ABCB11: variants seen among roughly 807,000 people sequenced by gnomAD.
ABCB11 encodes the protein ATP binding cassette subfamily B member 11, also known as bile salt export pump.
ABCB11 carries 95 observed loss-of-function variants against 148.0 expected under a neutral mutation model. That is an observed-to-expected ratio of 0.64 (90% CI 0.54 to 0.76). The LOEUF (loss-of-function observed/expected upper bound fraction) is 0.76, where lower values mean the gene tolerates loss of function less well. Ranked by LOEUF, ABCB11 falls within the 30% of genes least tolerant of loss-of-function variation. ABCB11 has a pLI of 0.00. For synonymous variants in ABCB11, 591 were observed against 555.4 expected, an observed-to-expected ratio of 1.06 and a Z score of -0.90; for missense variants, 1,523 against 1,617.8, an observed-to-expected ratio of 0.94 and a Z score of 1.01.
chr2:168,991,632 A>G (rs946781634), intron 8 of ABCB11, among the ~76,000 whole-genome samples: 8 of 152,074 alleles, frequency 5.3e-5, no homozygotes, highest in African/African-American at 9.7e-5. Flanking sequence ...AAAAATATAT[A>G]TAATACCCAG....
At chr2:168,925,801 G>A (rs1050898043) in intron 26 of ABCB11, among the ~76,000 whole-genome samples, 17 of 151,806 alleles carry the variant, frequency 1.1e-4, no homozygotes, top group African/African-American at 4.1e-4. Flanking sequence ...AGGGTGCCAC[G>A]GGCAAGTCTG....
chr2:168,974,432 C>G (rs1057376611), intron 12 of ABCB11, among the ~76,000 whole-genome samples: 4 of 151,890 alleles, frequency 2.6e-5, no homozygotes, highest in Non-Finnish European at 5.9e-5. Flanking sequence ...AACTATCTGT[C>G]AATATTTTCA....
At chr2:168,930,567 T>TTAAAGTGAGTC in intron 25 of ABCB11, 98 bp downstream of exon 25, 2 of 1,048,418 alleles carry the variant, frequency 1.9e-6, no homozygotes, top group Non-Finnish European at 2.6e-6. Context: ...GGCAAGCATT[T>TTAAAGTGAGTC]TAAAGTGAGT....
At chr2:169,010,604 C>CT (rs34998320) in intron 5 of ABCB11, among the ~76,000 whole-genome samples, 1 of 152,100 alleles carries the variant, frequency 6.6e-6, no homozygotes, top group Non-Finnish European at 1.5e-5. Context: ...TAATGATATA[C>CT]TTTTTCCACG....
At chr2:168,984,090 G>C (rs946556672) in intron 10 of ABCB11, among the ~76,000 whole-genome samples, 2 of 152,064 alleles carry the variant, frequency 1.3e-5, no homozygotes, top group African/African-American at 4.8e-5. Flanking sequence ...ATTTAGCTGA[G>C]AATTCAAACA....
In ABCB11 at chr2:168,924,768, T is replaced by G; in HGVS notation, c.3654A>C (p.Gln1218His). ...YETNVGSQGS[Q>H]LSRGEKQRIA... is the part of the protein sequence containing the mutation. ...TGCGTTGTTTCTCCCCTCTAGAGAGTTGAGACCCCTGGGACCCAACGTTAG... is the reference window on the plus strand; with the variant it reads ...TGCGTTGTTTCTCCCCTCTAGAGAGGTGAGACCCCTGGGACCCAACGTTAG... The change falls in exon 27 of 28, where the codon CAA (glutamine) becomes CAC (histidine). Residue 1218 changes from glutamine (Q) to histidine (H), a missense_variant. Coordinates refer to ENST00000650372, the MANE Select transcript of ABCB11 (RefSeq NM_003742.4). 6.2e-7 allele frequency: 1 copy of G among 1,613,216 alleles called. No individual in the cohort carries two copies. Among genetic ancestry groups the G allele is most frequent in the Non-Finnish European group, 8.5e-7 (1 of 1,179,598 alleles).
At chr2:168,937,903 C>T (rs1691899798) in intron 21 of ABCB11, among the ~76,000 whole-genome samples, 1 of 152,122 alleles carries the variant, frequency 6.6e-6, no homozygotes, top group South Asian at 2.1e-4. Flanking sequence ...ATCAGAGTAT[C>T]CAATGGTTCC....
chr2:168,993,889 A>C lies in ABCB11; in HGVS notation c.612-7T>G. On this transcript the variant is annotated splice_polypyrimidine_tract_variant and splice_region_variant and intron_variant, in intron 7 of 27. Coordinates refer to ENST00000650372, the MANE Select transcript of ABCB11 (RefSeq NM_003742.4). ...ATTGATTTTATTAATATCACTAGAAACCAGAAAGATTTTGGTCACTAAAAC... is the reference window on the plus strand; with the variant it reads ...ATTGATTTTATTAATATCACTAGAACCCAGAAAGATTTTGGTCACTAAAAC... The C allele has an allele frequency of 6.3e-7, 1 of 1,599,838 alleles. No individual in the cohort carries two copies. The highest frequency in any genetic ancestry group is 8.5e-7 in the Non-Finnish European group (1 of 1,174,190).
In ABCB11 at chr2:168,944,879, G is replaced by A. The variant is rs748335505; in HGVS notation, c.2426C>T (p.Ser809Phe). The change falls in exon 20 of 28, where the codon TCT (serine) becomes TTT (phenylalanine). Residue 809 changes from serine (S) to phenylalanine (F), a missense_variant. Coordinates refer to ENST00000650372, the MANE Select transcript of ABCB11 (RefSeq NM_003742.4). ...TACCTGTAGAAATTGGGTGAAAAGAGATACACAGCCCATTGCTACAAAAAG... is the reference window on the plus strand; with the variant it reads ...TACCTGTAGAAATTGGGTGAAAAGAAATACACAGCCCATTGCTACAAAAAG... Reference protein sequence around the residue: ...CLLFVAMGCVSLFTQFLQGYA... With the variant: ...CLLFVAMGCVFLFTQFLQGYA... 16 of 1,585,066 alleles carry A rather than the reference G, an allele frequency of 1.0e-5. 1 individual carries two copies. Among genetic ancestry groups the A allele is most frequent in the South Asian group, 9.2e-5 (8 of 87,368 alleles).
At position 168,923,669 on chromosome 2, in the gene ABCB11, T is replaced by G. The variant is rs745821514; in HGVS notation, c.3919A>C (p.Lys1307Gln). The G allele has an allele frequency of 6.2e-7, 1 of 1,613,838 alleles. No homozygotes were observed. Among genetic ancestry groups the G allele is most frequent in the Non-Finnish European group, 8.5e-7 (1 of 1,179,866 alleles). Residue 1307 changes from lysine to glutamine, a missense_variant, in exon 28 of 28, where the codon AAA becomes CAA. Coordinates refer to ENST00000650372, the MANE Select transcript of ABCB11 (RefSeq NM_003742.4). ...KGTHEELMAQKGAYYKLVTTG... is the reference protein window; with the variant it reads ...KGTHEELMAQQGAYYKLVTTG... ...GTGACTAGTTTGTAGTAGGCTCCTT[T>G]TTGGGCCATCAGTTCTTCATGGGTC...
At chr2:168,955,759 T>C (rs918650551) in intron 19 of ABCB11, among the ~76,000 whole-genome samples, 1 of 151,678 alleles carries the variant, frequency 6.6e-6, no homozygotes, top group African/African-American at 2.4e-5. Context: ...CAAAGTCTCA[T>C]ATGAGACAAG....
intron 11 of ABCB11, among the ~76,000 whole-genome samples, chr2:168,979,521 G>T (rs943208770): frequency 6.6e-6 from 1 of 151,874 alleles, no homozygotes; most frequent in Non-Finnish European, 1.5e-5. Context: ...CCCAGCATGA[G>T]TAAAGAACAG....
chr2:168,934,458 C>T (rs775372808), intron 23 of ABCB11, among the ~76,000 whole-genome samples: 17 of 152,148 alleles, frequency 1.1e-4, no homozygotes, highest in Non-Finnish European at 2.2e-4. Context: ...TAGGCTTTCA[C>T]CTCTGGAAAT....
At chr2:168,962,041 T>G (rs1329708301) in intron 18 of ABCB11, among the ~76,000 whole-genome samples, 1 of 151,762 alleles carries the variant, frequency 6.6e-6, no homozygotes, top group East Asian at 1.9e-4. Context: ...ATTAGAAATT[T>G]CATAAGTCAA....
At chr2:169,000,064 C>T (rs1694826524) in intron 5 of ABCB11, among the ~76,000 whole-genome samples, 3 of 152,032 alleles carry the variant, frequency 2.0e-5, no homozygotes, top group African/African-American at 7.2e-5. Context: ...TTGCATTTCT[C>T]TATTGATGTT....
chr2:168,970,152 C>A lies in ABCB11; in HGVS notation c.1702G>T (p.Ala568Ser). 1.2e-6 allele frequency: 2 copies of A among 1,612,902 alleles called. No individual in the cohort carries two copies. The highest frequency in any genetic ancestry group is 8.5e-7 in the Non-Finnish European group (1 of 1,179,290). The change falls in exon 15 of 28, where the codon GCT (alanine) becomes TCT (serine). Residue 568 changes from alanine (A) to serine (S), a missense_variant. Transcript: ENST00000650372. ...TTTCGGATGAGGGCTCTGGCGATAGCTACCCTTTGTTTCTGGCCACCACTC... is the reference window on the plus strand; with the variant it reads ...TTTCGGATGAGGGCTCTGGCGATAGATACCCTTTGTTTCTGGCCACCACTC... ...QMSGGQKQRV[A>S]IARALIRNPK... is the part of the protein sequence containing the mutation.
intron 5 of ABCB11, among the ~76,000 whole-genome samples, chr2:168,998,890 T>A (rs1229077343): frequency 6.6e-6 from 1 of 152,080 alleles, no homozygotes; most frequent in East Asian, 1.9e-4. Flanking sequence ...GATTAAGGCT[T>A]TAGAGAACTT....
chr2:168,949,324 A>G (rs1161882719), intron 19 of ABCB11, among the ~76,000 whole-genome samples: 2 of 151,636 alleles, frequency 1.3e-5, no homozygotes, highest in Non-Finnish European at 3.0e-5. Flanking sequence ...TGTACCCAAT[A>G]GGCAATTTTT....
chr2:168,921,140 C>T lies in ABCB11; in HGVS notation c.*2482G>A, dbSNP rs1214637902. ...AGGCATCTTTACTCTGCAACTTACTCGTCATTGCCATTTTTCATAACCAGA... is the reference window on the plus strand; with the variant it reads ...AGGCATCTTTACTCTGCAACTTACTTGTCATTGCCATTTTTCATAACCAGA... On this transcript the variant is annotated 3_prime_UTR_variant, in exon 28 of 28. Coordinates refer to ENST00000650372, the MANE Select transcript of ABCB11 (RefSeq NM_003742.4). Among the ~76,000 whole-genome samples the T allele has an allele frequency of 3.9e-5, 6 of 152,178 alleles. No homozygotes were observed. The highest frequency in any genetic ancestry group is 5.9e-5 in the Non-Finnish European group (4 of 68,026).
Sources: allele counts gnomAD v4.1 joint callset (sites outside exome capture counted in the v4.1 genomes callset), GRCh38; gene constraint gnomAD v4.1.1; transcripts MANE v1.5; gene names NCBI Gene and HGNC (gene_info 2026-07-23, HGNC 2026-07-21).